The following CLCC1 variants were observed in gnomAD, a reference collection of about 807,000 sequenced individuals.
CLCC1 encodes chloride channel CLIC like 1.
A neutral mutation model predicts 63.3 loss-of-function variants in CLCC1; 39 were observed. The ratio of observed to expected loss-of-function variants is 0.62; its 90% CI spans 0.48 to 0.81. CLCC1 has a LOEUF of 0.81. Ranked by LOEUF, CLCC1 falls within the 30% of genes least tolerant of loss-of-function variation. The pLI is 0.00. For synonymous variants in CLCC1, 217 were observed against 239.8 expected (o/e 0.90, Z 0.88); for missense variants, 549 against 669.4 (o/e 0.82, Z 1.98).
At position 108,929,748 on chromosome 1, in the gene CLCC1, A is replaced by G. The variant is rs1206854575; in HGVS notation, c.*2799T>C. On this transcript the variant is annotated 3_prime_UTR_variant, in exon 13 of 13. Coordinates refer to ENST00000369969, the MANE Select transcript of CLCC1 (RefSeq NM_001377458.1). Reference sequence around the variant, plus strand: ...GATGTGCTCCACCACCTGCTACCACAAAGGGTCCGACAGTACCAGATGAAG... The same window carrying G: ...GATGTGCTCCACCACCTGCTACCACGAAGGGTCCGACAGTACCAGATGAAG... The G allele has an allele frequency of 2.5e-6, 4 of 1,613,432 alleles. No homozygotes were observed. In the South Asian group the frequency reaches 3.3e-5, roughly 13 times the overall value.
At chr1:108,936,386 C>T (rs910199238) in intron 11 of CLCC1, among the ~76,000 whole-genome samples, 7 of 152,144 alleles carry the variant, frequency 4.6e-5, no homozygotes, top group East Asian at 3.9e-4. Flanking sequence ...TGAGCCGCCG[C>T]GCCTGGTCCA....
chr1:108,955,375 A>G (rs1655753178), intron 2 of CLCC1, among the ~76,000 whole-genome samples: 1 of 151,476 alleles, frequency 6.6e-6, no homozygotes, highest in Non-Finnish European at 1.5e-5. Context: ...ACGGTCACAA[A>G]TGCTTTGTTA....
Position 108,952,001 on chromosome 1 carries a change from C to T in CLCC1, c.-11-1553G>A, listed in dbSNP as rs531373507. On this transcript the variant is annotated intron_variant, in intron 2 of 12. Transcript: ENST00000369969. ...CTATATTGCCCAGGCTGGTCTCAAA[C>T]TCCTAGGCTCAAGCTATCCTCCCAC... Among the ~76,000 whole-genome samples the T allele has an allele frequency of 2.0e-5, 3 of 152,212 alleles. No individual in the cohort carries two copies. The South Asian group carries it at 6.2e-4, about 32-fold the overall frequency.
At position 108,934,674 on chromosome 1, in the gene CLCC1, C is replaced by T. The variant is rs1652594262; in HGVS notation, c.1652G>A (p.Gly551Asp). 6.2e-7 allele frequency: 1 copy of T among 1,612,302 alleles called. No individual in the cohort carries two copies. Among genetic ancestry groups the T allele is most frequent in the Non-Finnish European group, 8.5e-7 (1 of 1,179,484 alleles). Reference protein sequence around the residue: ...RGQDPVSSPCG With the variant: ...RGQDPVSSPCD Reference sequence around the variant, plus strand: ...GTCGTTTGTGCTGGTGTTCCTCTAGCCACAGGGGCTGCTGACCGGATCCTG... The same window carrying T: ...GTCGTTTGTGCTGGTGTTCCTCTAGTCACAGGGGCTGCTGACCGGATCCTG... The change falls in exon 12 of 13, where the codon GGC becomes GAC. Residue 551 changes from glycine (G) to aspartate (D), a missense_variant. Gly to Asp is a moderately conservative substitution (Grantham distance 94, BLOSUM62 -1). Coordinates refer to ENST00000369969, the MANE Select transcript of CLCC1 (RefSeq NM_001377458.1).
intron 10 of CLCC1, among the ~76,000 whole-genome samples, chr1:108,938,300 A>AT (rs1463914166): frequency 6.6e-6 from 1 of 152,238 alleles, no homozygotes; most frequent in Non-Finnish European, 1.5e-5. Context: ...GTCAAAGAGC[A>AT]TAACTTTCCT....
chr1:108,959,111 T>C (rs924082533), intron 2 of CLCC1, among the ~76,000 whole-genome samples: 1 of 151,672 alleles, frequency 6.6e-6, no homozygotes, highest in Admixed American at 6.6e-5. Context: ...GAGGCGGAGG[T>C]TGAGGTGAGC....
chr1:108,944,342 G>C (rs1654246703), intron 5 of CLCC1, among the ~76,000 whole-genome samples: 1 of 152,024 alleles, frequency 6.6e-6, no homozygotes, highest in African/African-American at 2.4e-5. Flanking sequence ...GCAGTGGTGT[G>C]CACCTGGCTC....
At chr1:108,933,773 G>C (rs902230578) in intron 12 of CLCC1, 10 of 152,188 alleles carry the variant, frequency 6.6e-5, no homozygotes, top group African/African-American at 2.4e-4. Flanking sequence ...TGTCCTGTCT[G>C]CAGTTAAGGA....
At chr1:108,945,749 C>T (rs1654451548) in intron 5 of CLCC1, among the ~76,000 whole-genome samples, 2 of 152,176 alleles carry the variant, frequency 1.3e-5, no homozygotes, top group South Asian at 4.1e-4. Flanking sequence ...TAATGGGTTT[C>T]CATAAATTAC....
In CLCC1 at chr1:108,931,463, T is replaced by C. The variant is rs201927551; in HGVS notation, c.*1084A>G. ...AACAAGTTGCCAACTTGTTTCACTC[T>C]GCTTGCTTCAGACTGTGCACAGCTG... On this transcript the variant is annotated 3_prime_UTR_variant, in exon 13 of 13. Coordinates refer to ENST00000369969, the MANE Select transcript of CLCC1 (RefSeq NM_001377458.1). 5.8e-6 allele frequency: 9 copies of C among 1,550,738 alleles called. No individual in the cohort carries two copies. The highest frequency in any genetic ancestry group is 2.4e-5 in the South Asian group (2 of 84,064).
At chr1:108,962,151 A>AAATAGGGAGAGC (rs1553223628) in intron 2 of CLCC1, among the ~76,000 whole-genome samples, 158 bp downstream of exon 2, 1 of 152,110 alleles carries the variant, frequency 6.6e-6, no homozygotes, top group East Asian at 1.9e-4. Flanking sequence ...ACAGAGCGGG[A>AAATAGGGAGAGC]AATAGGGAGA....
In CLCC1 at chr1:108,930,337, G is replaced by GTTGT. The variant is rs1174347428; in HGVS notation, c.*2206_*2209dup. 6.1e-6 allele frequency: 1 copy of GTTGT among 164,796 alleles called. No individual in the cohort carries two copies. Among genetic ancestry groups the GTTGT allele is most frequent in the Admixed American group, 6.0e-5 (1 of 16,590 alleles). The allele number at this position is 164,796 out of a possible 1,614,324, so 10.2% of individuals were successfully genotyped here. On this transcript the variant is annotated 3_prime_UTR_variant, in exon 13 of 13. Transcript: ENST00000369969. ...AACCATGGATGTAGTGGGAAACAAT[G>GTTGT]TTGTTTGGTAAAAATAATGTACTTG...
At chr1:108,941,231 T>C (rs1240135704) in intron 8 of CLCC1, among the ~76,000 whole-genome samples, 174 bp downstream of exon 8, 2 of 152,228 alleles carry the variant, frequency 1.3e-5, no homozygotes, top group East Asian at 1.9e-4. Context: ...CCTGTGACTT[T>C]AGATGAGCAT....
At chr1:108,936,358 G>C (rs1298522395) in intron 11 of CLCC1, among the ~76,000 whole-genome samples, 1 of 152,174 alleles carries the variant, frequency 6.6e-6, no homozygotes, top group African/African-American at 2.4e-5. Context: ...CGGCCTCCCA[G>C]TGCTGGGATC....
intron 5 of CLCC1, among the ~76,000 whole-genome samples, chr1:108,945,436 A>T (rs902549339): frequency 1.3e-4 from 20 of 152,224 alleles, no homozygotes; most frequent in African/African-American, 4.8e-4. Context: ...GAAACAAGAA[A>T]ACAGTTTTGA....
chr1:108,947,573 A>G, intron 5 of CLCC1, 38 bp downstream of exon 5: 1 of 1,169,398 alleles, frequency 8.6e-7, no homozygotes. Flanking sequence ...ATAAAAATAT[A>G]CACTATACGG....
Position 108,963,411 on chromosome 1 carries a change from C to A in CLCC1, c.-223G>T, listed in dbSNP as rs1397749275. 1.4e-6 allele frequency: 1 copy of A among 702,454 alleles called. No homozygotes were observed. Among genetic ancestry groups the A allele is most frequent in the African/African-American group, 1.7e-5 (1 of 57,372 alleles). The allele number at this position is 702,454 out of a possible 1,614,324, so 43.5% of individuals were successfully genotyped here. A position where few individuals can be genotyped will look rare whatever the true frequency, so the allele number is the denominator to read the frequency against. On this transcript the variant is annotated 5_prime_UTR_variant, in exon 1 of 13. Coordinates refer to ENST00000369969, the MANE Select transcript of CLCC1 (RefSeq NM_001377458.1). The stretch of plus-strand genomic sequence containing the variant: ...GAGGAAGACACCTGCCCAGGCCGGC[C>A]GCAGAAGAGGTCGCACAGCTTGCCG...
At chr1:108,939,846 A>G in intron 9 of CLCC1, 64 bp from the exon 10 acceptor site, 6 of 1,521,582 alleles carry the variant, frequency 3.9e-6, no homozygotes, top group Non-Finnish European at 5.4e-6. Flanking sequence ...ATGCATCAAA[A>G]TTCATTGAGT....
At chr1:108,955,934 A>T (rs573201626) in intron 2 of CLCC1, among the ~76,000 whole-genome samples, 1 of 151,604 alleles carries the variant, frequency 6.6e-6, no homozygotes, top group South Asian at 2.1e-4. Context: ...GAGCCAGGCT[A>T]CTGGCCTTCC....
Sources: gnomAD v4.1 joint callset for allele counts (sites outside exome capture counted in the v4.1 genomes callset) on GRCh38, gnomAD v4.1.1 for gene constraint, MANE v1.5 for transcripts, NCBI Gene and HGNC (gene_info 2026-07-23, HGNC 2026-07-21) for gene names.